TEC: variants seen among roughly 807,000 people sequenced by gnomAD.
TEC encodes tec protein tyrosine kinase, also known as tyrosine-protein kinase Tec.
In TEC, 72 loss-of-function variants were observed where a neutral mutation model predicts 93.0. The observed-to-expected ratio is 0.77, with a 90% confidence interval of 0.64 to 0.94. The LOEUF is 0.94. TEC is among the 40% of genes least tolerant of loss of function. The pLI is 0.00. For missense variants in TEC, 630 were observed against 757.9 expected (o/e 0.83, Z 1.98); for synonymous variants, 249 against 247.7 (o/e 1.01, Z -0.05).
chr4:48,137,309 G>T lies in TEC; in HGVS notation c.*107C>A. 1 of 848,140 alleles carries T rather than the reference G, an allele frequency of 1.2e-6. No individual in the cohort carries two copies. The highest frequency in any genetic ancestry group is 1.9e-6 in the Non-Finnish European group (1 of 526,946). 52.5% of individuals were successfully genotyped at this position (848,140 alleles called of 1,614,324 possible). On this transcript the variant is annotated 3_prime_UTR_variant, in exon 18 of 18. Coordinates refer to ENST00000381501, the MANE Select transcript of TEC (RefSeq NM_003215.3). Reference sequence around the variant, plus strand: ...AGCAAATTATTTATGTGTTTCCACTGTATAAGTAAAATGATCTACATGTCC... The same window carrying T: ...AGCAAATTATTTATGTGTTTCCACTTTATAAGTAAAATGATCTACATGTCC...
intron 2 of TEC, among the ~76,000 whole-genome samples, chr4:48,189,952 T>C (rs1215463359): frequency 1.3e-5 from 2 of 152,106 alleles, no homozygotes; most frequent in Non-Finnish European, 2.9e-5. Flanking sequence ...TTTGCAGATC[T>C]GTGAGGGACA....
intron 2 of TEC, among the ~76,000 whole-genome samples, chr4:48,192,050 C>T (rs1722111707): frequency 6.6e-6 from 1 of 152,168 alleles, no homozygotes; most frequent in Non-Finnish European, 1.5e-5. Context: ...CACACAAAGA[C>T]TAACACAAAA....
intron 8 of TEC, among the ~76,000 whole-genome samples, chr4:48,161,854 C>A (rs1190620468): frequency 6.6e-6 from 1 of 152,086 alleles, no homozygotes; most frequent in Non-Finnish European, 1.5e-5. Flanking sequence ...AAAGACTAGA[C>A]TGGTTTAGTC....
intron 1 of TEC, among the ~76,000 whole-genome samples, chr4:48,235,005 G>GGCC (rs1723747219): frequency 6.6e-6 from 1 of 152,026 alleles, no homozygotes; most frequent in Non-Finnish European, 1.5e-5. Flanking sequence ...AAAATAGAAT[G>GGCC]AGAGCTCCCA....
chr4:48,239,907 G>C (rs73817610), intron 1 of TEC, among the ~76,000 whole-genome samples: 2,232 of 151,882 alleles, frequency 0.015, 58 homozygotes, highest in African/African-American at 0.05. Context: ...AAGGTTCATC[G>C]GTAATATTTG....
intron 1 of TEC, among the ~76,000 whole-genome samples, chr4:48,251,412 T>C (rs1295818498): frequency 6.6e-6 from 1 of 152,232 alleles, no homozygotes; most frequent in African/African-American, 2.4e-5. Context: ...AGACCTTCCT[T>C]TGACTACCCA....
At chr4:48,175,011 T>A (rs950504859) in intron 3 of TEC, among the ~76,000 whole-genome samples, 4 of 152,220 alleles carry the variant, frequency 2.6e-5, no homozygotes, top group African/African-American at 9.7e-5. Flanking sequence ...CAAGCTCACA[T>A]AGCCAGTAAG....
intron 1 of TEC, among the ~76,000 whole-genome samples, chr4:48,248,396 T>A (rs1167442181): frequency 6.6e-6 from 1 of 152,148 alleles, no homozygotes; most frequent in African/African-American, 2.4e-5. Flanking sequence ...GGGTCCTAAG[T>A]GCAGTAAGAG....
chr4:48,192,099 G>T (rs1467456491), intron 2 of TEC, among the ~76,000 whole-genome samples: 2 of 152,130 alleles, frequency 1.3e-5, no homozygotes, highest in African/African-American at 4.8e-5. Flanking sequence ...CCCAAAACTG[G>T]AAACAACCCA....
chr4:48,268,685 C>T lies in TEC; in HGVS notation c.-46+1067G>A, dbSNP rs1724703805. On this transcript the variant is annotated intron_variant, in intron 1 of 17. Transcript: ENST00000381501. ...GGTTTGTTTCTTCCCAGCTCTTTAG[C>T]AGAGAATAATCTAGAAGTGAGTAAA... 2.0e-5 allele frequency among the ~76,000 whole-genome samples: 3 copies of T among 152,118 alleles called. No homozygotes were observed. The South Asian group carries it at 6.2e-4, about 32-fold the overall frequency.
intron 2 of TEC, among the ~76,000 whole-genome samples, chr4:48,185,452 C>A (rs549751642): frequency 3.0e-4 from 45 of 152,266 alleles, no homozygotes; most frequent in Non-Finnish European, 4.0e-4. Flanking sequence ...AGAGGCACTT[C>A]CAATTTGATG....
chr4:48,236,290 G>GT lies in TEC; in HGVS notation c.-45-7632dup, dbSNP rs574162574. ...AGGATTACAAACAGCTTTTTTTTTTGTTTTTTTTTGAGACGGAGTCTCGCT... is the reference window on the plus strand; with the variant it reads ...AGGATTACAAACAGCTTTTTTTTTTGTTTTTTTTTTGAGACGGAGTCTCGCT... On this transcript the variant is annotated intron_variant, in intron 1 of 17. Coordinates refer to ENST00000381501, the MANE Select transcript of TEC (RefSeq NM_003215.3). Among the ~76,000 whole-genome samples the GT allele has an allele frequency of 1.8e-3, 262 of 147,578 alleles. 2 individuals carry two copies. The highest frequency in any genetic ancestry group is 6.6e-3 in the South Asian group (31 of 4,694).
intron 3 of TEC, among the ~76,000 whole-genome samples, chr4:48,172,829 T>C (rs1193970186): frequency 6.6e-6 from 1 of 152,256 alleles, no homozygotes; most frequent in Non-Finnish European, 1.5e-5. Context: ...GCTCCATGAT[T>C]TTCACATTTA....
At chr4:48,229,171 C>A (rs748253898) in intron 1 of TEC, among the ~76,000 whole-genome samples, 149 of 152,226 alleles carry the variant, frequency 9.8e-4, no homozygotes, top group Non-Finnish European at 1.7e-3. Context: ...ATGAAGCATC[C>A]TAGTTACCAG....
chr4:48,197,409 T>C (rs1170082776), intron 2 of TEC, among the ~76,000 whole-genome samples: 1 of 152,152 alleles, frequency 6.6e-6, no homozygotes, highest in Non-Finnish European at 1.5e-5. Context: ...AAAAAGCATA[T>C]AAGACCATGT....
At chr4:48,186,659 C>T (rs1290901529) in intron 2 of TEC, among the ~76,000 whole-genome samples, 2 of 151,500 alleles carry the variant, frequency 1.3e-5, no homozygotes, top group Non-Finnish European at 2.9e-5. Flanking sequence ...CTGCGCCTGG[C>T]AGCCTCCCCG....
At chr4:48,263,057 C>T (rs1341100393) in intron 1 of TEC, among the ~76,000 whole-genome samples, 2 of 152,156 alleles carry the variant, frequency 1.3e-5, no homozygotes, top group African/African-American at 4.8e-5. Flanking sequence ...AAGTTCACAG[C>T]CCATTAAGGG....
intron 9 of TEC, among the ~76,000 whole-genome samples, chr4:48,154,827 G>A (rs769943378): frequency 7.9e-5 from 12 of 152,292 alleles, no homozygotes; most frequent in Non-Finnish European, 1.5e-4. Flanking sequence ...TGAAGGTTGT[G>A]TGGACTAAAA....
intron 2 of TEC, among the ~76,000 whole-genome samples, chr4:48,203,260 G>A (rs1000604930): frequency 6.6e-6 from 1 of 152,162 alleles, no homozygotes; most frequent in Non-Finnish European, 1.5e-5. Flanking sequence ...AGCTACTGGG[G>A]AGGCTGAGGC....
Sources: allele counts gnomAD v4.1 joint callset (sites outside exome capture counted in the v4.1 genomes callset), GRCh38; gene constraint gnomAD v4.1.1; transcripts MANE v1.5; gene names NCBI Gene and HGNC (gene_info 2026-07-23, HGNC 2026-07-21).